The following AK6 variants were observed in gnomAD, a reference collection of about 807,000 sequenced individuals.
AK6 encodes the protein adenylate kinase 6.
AK6 carries 24 observed loss-of-function variants against 23.7 expected under a neutral mutation model. The observed-to-expected ratio is 1.01, with a 90% CI of 0.73 to 1.43. The LOEUF is 1.43. AK6 is among the 40% of genes most tolerant of loss of function. The pLI is 0.00. For missense variants in AK6, 191 were observed against 199.1 expected, an observed-to-expected ratio of 0.96 and a Z score of 0.24; for synonymous variants, 73 against 69.8, an observed-to-expected ratio of 1.05 and a Z score of -0.23.
chr5:69,352,090 C>T lies in AK6; in HGVS notation c.490G>A (p.Glu164Lys). The stretch of plus-strand genomic sequence containing the variant: ...GAGTTATGATCTTTGATCCACTGCT[C>T]AATCCATTTCAAGATCTGATCTACA... ...NNVDQILKWI[E>K]QWIKDHNS The change falls in exon 5 of 5, where the codon GAG becomes AAG. Residue 164 changes from glutamate to lysine, a missense_variant. Coordinates refer to ENST00000380822, the MANE Select transcript of AK6 (RefSeq NM_016283.5). 6.2e-7 allele frequency: 1 copy of T among 1,612,144 alleles called. No individual in the cohort carries two copies. The highest frequency in any genetic ancestry group is 8.5e-7 in the Non-Finnish European group (1 of 1,179,468).
intron 1 of AK6, among the ~76,000 whole-genome samples, chr5:69,367,492 G>C (rs900570877): frequency 7.6e-5 from 10 of 132,002 alleles, no homozygotes; most frequent in Non-Finnish European, 1.4e-4. Flanking sequence ...CCTGGCGACA[G>C]AGACTCCATC....
At chr5:69,369,521 G>A (rs773812621), upstream of AK6, 12 of 1,610,964 alleles carry the variant, frequency 7.4e-6, no homozygotes, top group South Asian at 2.2e-5. Flanking sequence ...CGGGCGCCTC[G>A]CTCACGTGCC....
chr5:69,357,643 G>A (rs1309012139), intron 2 of AK6, among the ~76,000 whole-genome samples: 2 of 152,152 alleles, frequency 1.3e-5, no homozygotes, highest in African/African-American at 2.4e-5. Context: ...AGATGGAAGA[G>A]TGGAAAAAAT....
chr5:69,354,722 A>T (rs1045957782), intron 4 of AK6, among the ~76,000 whole-genome samples: 1 of 152,228 alleles, frequency 6.6e-6, no homozygotes, highest in Non-Finnish European at 1.5e-5. Flanking sequence ...TGATGCAGGG[A>T]TAATTTGAGT....
At chr5:69,362,725 C>T (rs1202773057) in intron 2 of AK6, among the ~76,000 whole-genome samples, 1 of 151,892 alleles carries the variant, frequency 6.6e-6, no homozygotes, top group African/African-American at 2.4e-5. Flanking sequence ...CCAGCCTGGG[C>T]CACAGAGCAA....
chr5:69,355,669 CA>C lies in AK6; in HGVS notation c.305del (p.Leu102CysfsTer15). 6.2e-7 allele frequency: 1 copy of C among 1,609,208 alleles called. No homozygotes were observed. Among genetic ancestry groups the C allele is most frequent in the Non-Finnish European group, 8.5e-7 (1 of 1,178,846 alleles). ...VFVLRTDTNV[L>X]YERLETRGYN... ...CTTACCTTGTTTCAAGTCTTTCGTA[CA>C]ATACATTGGTATCTGTTCTCAGCAC... On this transcript the variant is annotated frameshift_variant, in exon 4 of 5. Coordinates refer to ENST00000380822, the MANE Select transcript of AK6 (RefSeq NM_016283.5). LOFTEE classifies it high-confidence loss of function.
At chr5:69,369,623 T>C (rs1319323211), upstream of AK6, 1 of 1,571,856 alleles carries the variant, frequency 6.4e-7, no homozygotes. Context: ...GCCCCTAGCC[T>C]GCCCCGGCGG....
intron 2 of AK6, among the ~76,000 whole-genome samples, chr5:69,361,943 C>T (rs1762249484): frequency 1.3e-5 from 2 of 150,388 alleles, no homozygotes; most frequent in African/African-American, 4.9e-5. Flanking sequence ...CCACCACCCC[C>T]GGCCAGTTTT....
chr5:69,369,671 C>G, upstream of AK6: 1 of 1,556,962 alleles, frequency 6.4e-7, no homozygotes, highest in Admixed American at 1.9e-5. Flanking sequence ...CTTTCGATGA[C>G]ACATTTCCGT....
At chr5:69,369,597 C>G (rs1248685417), upstream of AK6, 13 of 1,590,876 alleles carry the variant, frequency 8.2e-6, no homozygotes, top group South Asian at 1.1e-5. Context: ...CCAAAGGCCC[C>G]GAAGCCCACC....
intron 2 of AK6, among the ~76,000 whole-genome samples, chr5:69,358,258 C>G (rs1762133238): frequency 6.6e-6 from 1 of 152,086 alleles, no homozygotes; most frequent in South Asian, 2.1e-4. Flanking sequence ...TGCGGTGGCT[C>G]ATGCCTGTAA....
chr5:69,364,558 C>CA (rs896446003), intron 2 of AK6, among the ~76,000 whole-genome samples: 1 of 152,184 alleles, frequency 6.6e-6, no homozygotes, highest in African/African-American at 2.4e-5. Context: ...GAACAGATCA[C>CA]AAGAGTGACG....
rs1561213745 is a variant in AK6, at chr5:69,355,758, C to T, written c.217G>A (p.Gly73Arg). The change falls in exon 4 of 5, where the codon GGA (glycine) becomes AGA (arginine). Residue 73 changes from glycine (G) to arginine (R), a missense_variant. By Grantham distance (125) the Gly-to-Arg change is moderately radical. Coordinates refer to ENST00000380822, the MANE Select transcript of AK6 (RefSeq NM_016283.5). ...DELDNQMREG[G>R]VIVDYHGCDF... ...CAACCATGGTAATCAACAATAACTC[C>T]ACCTTCTCTCATTTGGTTATCTAAC... The T allele has an allele frequency of 6.2e-7, 1 of 1,612,488 alleles. No individual in the cohort carries two copies. Among genetic ancestry groups the T allele is most frequent in the Non-Finnish European group, 8.5e-7 (1 of 1,179,670 alleles).
At chr5:69,363,965 G>GT (rs1261084602) in intron 2 of AK6, among the ~76,000 whole-genome samples, 1 of 152,046 alleles carries the variant, frequency 6.6e-6, no homozygotes, top group Non-Finnish European at 1.5e-5. Flanking sequence ...GTGCACACCT[G>GT]TAATTCCAGC....
intron 1 of AK6, chr5:69,369,057 A>G (rs1762686717): frequency 4.0e-6 from 1 of 249,018 alleles, no homozygotes. Flanking sequence ...TGAGGCATCC[A>G]CCATTAATGA....
At chr5:69,369,709 G>T (rs1427926433), upstream of AK6, 7 of 1,551,608 alleles carry the variant, frequency 4.5e-6, no homozygotes, top group Non-Finnish European at 5.2e-6. Flanking sequence ...GGCATAACTC[G>T]GGTCGGTACT....
chr5:69,354,626 C>T (rs1037976192), intron 4 of AK6, among the ~76,000 whole-genome samples: 4 of 152,280 alleles, frequency 2.6e-5, no homozygotes, highest in South Asian at 2.1e-4. Flanking sequence ...AAATCTGATG[C>T]TCTATTTGTG....
intron 2 of AK6, among the ~76,000 whole-genome samples, chr5:69,360,083 T>C (rs964646103): frequency 1.3e-5 from 2 of 152,208 alleles, no homozygotes; most frequent in African/African-American, 4.8e-5. Context: ...CGGCTGCAGG[T>C]AAACTGTGGC....
intron 2 of AK6, chr5:69,365,173 C>T (rs1307873512): frequency 6.2e-7 from 1 of 1,614,216 alleles, no homozygotes; most frequent in Non-Finnish European, 8.5e-7. Context: ...GGCATCTGTA[C>T]TGTAAACCTT....
Sources: gnomAD v4.1 joint callset for allele counts (sites outside exome capture counted in the v4.1 genomes callset) on GRCh38, gnomAD v4.1.1 for gene constraint, MANE v1.5 for transcripts, NCBI Gene and HGNC (gene_info 2026-07-23, HGNC 2026-07-21) for gene names.